ZNF8: variants seen among roughly 807,000 people sequenced by gnomAD.
ZNF8 encodes zinc finger protein 8.
ZNF8 carries 9 observed loss-of-function variants against 12.2 expected under a neutral mutation model. The ratio of observed to expected loss-of-function variants is 0.73; its 90% CI spans 0.44 to 1.28. The LOEUF (loss-of-function observed/expected upper bound fraction) is 1.28, where lower values mean the gene tolerates loss of function less well. ZNF8 is among the 50% of genes most tolerant of loss of function. The pLI, the probability that ZNF8 is intolerant of heterozygous loss-of-function variation, is 0.00. For synonymous variants in ZNF8, 274 were observed against 282.3 expected (o/e 0.97, Z 0.30); for missense variants, 664 against 729.1 (o/e 0.91, Z 1.03).
At chr19:58,283,967 A>T (rs996359625) in intron 1 of ZNF8, among the ~76,000 whole-genome samples, 12 of 152,320 alleles carry the variant, frequency 7.9e-5, no homozygotes, top group Non-Finnish European at 1.2e-4. Context: ...TTCTTTATAA[A>T]TTACTTCGTC....
At position 58,285,772 on chromosome 19, in the gene ZNF8, A is replaced by G. The variant is rs769920925; in HGVS notation, c.122A>G (p.Gln41Arg). The G allele has an allele frequency of 6.2e-7, 1 of 1,614,206 alleles. No homozygotes were observed. Among genetic ancestry groups the G allele is most frequent in the Non-Finnish European group, 8.5e-7 (1 of 1,180,030 alleles). The change falls in exon 2 of 4, where the codon CAG (glutamine) becomes CGG (arginine). Residue 41 changes from glutamine to arginine, a missense_variant. Physicochemically the swap from Gln to Arg is conservative, Grantham distance 43. Around this residue, in one of 3 missense-constraint regions of ZNF8, gnomAD observed 306 missense variants for 308.7 expected, o/e 0.99. Transcript: ENST00000621650. ...AVDFTQEEWG[Q>R]LDPTQRILYR... ...GACTTTACCCAGGAGGAATGGGGGC[A>G]GCTGGACCCTACCCAGAGGATCCTC...
chr19:58,295,357 C>G lies in ZNF8; in HGVS notation c.1549C>G (p.His517Asp). ...SRNSHLVQHQ[H>D]PNSRKSSAGG... ...GAACTCACACCTGGTTCAGCATCAA[C>G]ACCCGAACTCCAGAAAGAGCTCTGC... Residue 517 changes from histidine to aspartate, a missense_variant, in exon 4 of 4, where the codon CAC becomes GAC. Around this residue, in one of 3 missense-constraint regions of ZNF8, gnomAD observed 225 missense variants for 222.0 expected, o/e 1.01. Coordinates refer to ENST00000621650, the MANE Select transcript of ZNF8 (RefSeq NM_021089.3). 6.2e-7 allele frequency: 1 copy of G among 1,614,204 alleles called. No individual in the cohort carries two copies. Among genetic ancestry groups the G allele is most frequent in the Non-Finnish European group, 8.5e-7 (1 of 1,180,016 alleles).
Position 58,294,789 on chromosome 19 carries a change from C to T in ZNF8, c.981C>T (p.His327=). ...ECGKSFCHST[H]LTVHRRIHTG... ...GGAAGTCTTTCTGCCATAGTACACA[C>T]CTTACCGTCCATCGGAGGATTCACA... Residue 327 remains histidine, a synonymous_variant, in exon 4 of 4, where the codon CAC becomes CAT. Transcript: ENST00000621650. This position sits in a 1 kb window ranked among gnomAD's most constrained non-coding sequence, Gnocchi z 5.5. 1.2e-6 allele frequency: 2 copies of T among 1,614,190 alleles called. No homozygotes were observed. The highest frequency in any genetic ancestry group is 1.7e-6 in the Non-Finnish European group (2 of 1,180,038).
intron 3 of ZNF8, among the ~76,000 whole-genome samples, chr19:58,287,393 T>A (rs1600455236): frequency 6.9e-6 from 1 of 145,166 alleles, no homozygotes; most frequent in Admixed American, 7.3e-5. Context: ...GTGGCAGCAG[T>A]GTGATCATGG....
chr19:58,290,884 C>A (rs1054500647), intron 3 of ZNF8, among the ~76,000 whole-genome samples: 8 of 152,178 alleles, frequency 5.3e-5, no homozygotes, highest in African/African-American at 1.9e-4. Context: ...AACCACATCT[C>A]TACAAAAAAT....
rs1397987600 is a variant in ZNF8 at position 58,294,292 on chromosome 19, G to A, written c.484G>A (p.Gly162Ser). 6.2e-7 allele frequency: 1 copy of A among 1,614,052 alleles called. No individual in the cohort carries two copies. The highest frequency in any genetic ancestry group is 1.3e-5 in the African/African-American group (1 of 74,984). ...EQNNLKQLEFGLKEAPVQDQG... is the reference protein window; with the variant it reads ...EQNNLKQLEFSLKEAPVQDQG... ...GAATAACTTGAAGCAGTTGGAATTT[G>A]GCCTCAAGGAAGCACCAGTTCAAGA... Residue 162 changes from glycine (G) to serine (S), a missense_variant, in exon 4 of 4, where the codon GGC becomes AGC. Transcript: ENST00000621650. The surrounding 1 kb of genome is among the most constrained non-coding windows in gnomAD (Gnocchi z 5.5).
rs1600465825 is a variant in ZNF8 at position 58,301,002 on chromosome 19, T to G, written c.*5466T>G. On this transcript the variant is annotated 3_prime_UTR_variant, in exon 4 of 4. Transcript: ENST00000621650. The stretch of plus-strand genomic sequence containing the variant: ...TGCTGGGGTCCTAGAGTCCACCTTG[T>G]GCTCCACGCCCTCCCCAGGTGTCAT... The G allele has an allele frequency of 6.6e-6, 1 of 152,546 alleles. No homozygotes were observed. Among genetic ancestry groups the G allele is most frequent in the South Asian group, 2.1e-4 (1 of 4,832 alleles). The allele number at this position is 152,546 out of a possible 1,614,324, so 9.4% of individuals were successfully genotyped here. A position where few individuals can be genotyped will look rare whatever the true frequency, so the allele number is the denominator to read the frequency against.
At chr19:58,279,341 C>A in intron 1 of ZNF8, 194 bp downstream of exon 1, 1 of 1,474,100 alleles carries the variant, frequency 6.8e-7, no homozygotes, top group Non-Finnish European at 9.0e-7. Flanking sequence ...TCCAACCAGG[C>A]GCCTGGCCCC....
At position 58,295,251 on chromosome 19, in the gene ZNF8, C is replaced by T. The variant is rs2147961539; in HGVS notation, c.1443C>T (p.His481=). 5.0e-6 allele frequency: 8 copies of T among 1,614,220 alleles called. No homozygotes were observed. The South Asian group carries it at 5.5e-5, about 11-fold the overall frequency. ...GGAAGTGTTTCATTCAGAGCTCTCA[C>T]CTCATCCGGCACCAGATAACTCACA... is the stretch of plus-strand genomic sequence containing the variant. ...QCGKCFIQSS[H]LIRHQITHTR... The change falls in exon 4 of 4, where the codon CAC becomes CAT. Residue 481 remains histidine, a synonymous_variant. Coordinates refer to ENST00000621650, the MANE Select transcript of ZNF8 (RefSeq NM_021089.3).
Position 58,297,399 on chromosome 19 carries a change from G to A in ZNF8, c.*1863G>A, listed in dbSNP as rs1022905633. ...GTTTTGCAGCATTCATAATTGATGTGAAATAAGGAAGATAATCCTTTTTTT... is the reference window on the plus strand; with the variant it reads ...GTTTTGCAGCATTCATAATTGATGTAAAATAAGGAAGATAATCCTTTTTTT... On this transcript the variant is annotated 3_prime_UTR_variant, in exon 4 of 4. Coordinates refer to ENST00000621650, the MANE Select transcript of ZNF8 (RefSeq NM_021089.3). The A allele has an allele frequency of 1.8e-4, 27 of 146,250 alleles. No individual in the cohort carries two copies. The highest frequency in any genetic ancestry group is 6.8e-4 in the African/African-American group (27 of 39,868). The allele number at this position is 146,250 out of a possible 1,614,324, so 9.1% of individuals were successfully genotyped here. A position where few individuals can be genotyped will look rare whatever the true frequency, so the allele number is the denominator to read the frequency against.
Position 58,295,259 on chromosome 19 carries a change from G to A in ZNF8, c.1451G>A (p.Arg484Gln), listed in dbSNP as rs1485112198. ...TTCATTCAGAGCTCTCACCTCATCC[G>A]GCACCAGATAACTCACACCAGAGAG... ...KCFIQSSHLIRHQITHTREEQ... is the reference protein window; with the variant it reads ...KCFIQSSHLIQHQITHTREEQ... The change falls in exon 4 of 4, where the codon CGG becomes CAG. Residue 484 changes from arginine to glutamine, a missense_variant. By Grantham distance (43) the Arg-to-Gln change is conservative. This residue lies in a region of ZNF8 where 225 missense variants were observed against 222.0 expected (regional missense o/e 1.01). Coordinates refer to ENST00000621650, the MANE Select transcript of ZNF8 (RefSeq NM_021089.3). The A allele has an allele frequency of 7.4e-6, 12 of 1,614,190 alleles. No homozygotes were observed. Among genetic ancestry groups the A allele is most frequent in the East Asian group, 4.5e-5 (2 of 44,882 alleles).
At chr19:58,288,502 C>T (rs2051398263) in intron 3 of ZNF8, among the ~76,000 whole-genome samples, 1 of 152,134 alleles carries the variant, frequency 6.6e-6, no homozygotes, top group African/African-American at 2.4e-5. Flanking sequence ...CTAGATGTCA[C>T]CTGCTGGGGT....
chr19:58,301,292 C>T lies in ZNF8; in HGVS notation c.*5756C>T, dbSNP rs1416050582. 1.3e-5 allele frequency: 2 copies of T among 152,238 alleles called. No individual in the cohort carries two copies. Among genetic ancestry groups the T allele is most frequent in the Non-Finnish European group, 2.9e-5 (2 of 68,054 alleles). The allele number at this position is 152,238 out of a possible 1,614,324, so 9.4% of individuals were successfully genotyped here. ...AGTCTTCTTGACCTCTCCCCTTCCC[C>T]ACTCCATGGAGTTAGAGGTCCTGTT... is the stretch of plus-strand genomic sequence containing the variant. On this transcript the variant is annotated 3_prime_UTR_variant, in exon 4 of 4. Coordinates refer to ENST00000621650, the MANE Select transcript of ZNF8 (RefSeq NM_021089.3).
At chr19:58,290,108 CTTT>C (rs773199651) in intron 3 of ZNF8, among the ~76,000 whole-genome samples, 2 of 73,430 alleles carry the variant, frequency 2.7e-5, no homozygotes, top group Non-Finnish European at 4.7e-5. Context: ...TTTCAAGATT[CTTT>C]TTTTTTTTTT....
At position 58,298,281 on chromosome 19, in the gene ZNF8, G is replaced by A. The variant is rs8107546; in HGVS notation, c.*2745G>A. 82,944 of 151,412 alleles carry A rather than the reference G, an allele frequency of 0.55. 23,067 individuals carry two copies. Among genetic ancestry groups the A allele is most frequent in the South Asian group, 0.65 (3,109 of 4,798 alleles). The allele number at this position is 151,412 out of a possible 1,614,324, so 9.4% of individuals were successfully genotyped here. A position where few individuals can be genotyped will look rare whatever the true frequency, so the allele number is the denominator to read the frequency against. The stretch of plus-strand genomic sequence containing the variant: ...TCTGACCTCATAATCCGCCCACCTC[G>A]GCCTCCCAAAGTGCTGGGATTACAG... On this transcript the variant is annotated 3_prime_UTR_variant, in exon 4 of 4. Transcript: ENST00000621650.
intron 3 of ZNF8, among the ~76,000 whole-genome samples, chr19:58,292,824 G>A (rs1263597947): frequency 6.6e-6 from 1 of 152,150 alleles, no homozygotes; most frequent in East Asian, 1.9e-4. Context: ...ATTTGTTGAG[G>A]GGCATTTGGG....
At chr19:58,279,786 G>A (rs1363112936) in intron 1 of ZNF8, 1 of 1,464,432 alleles carries the variant, frequency 6.8e-7, no homozygotes, top group Admixed American at 2.1e-5. Context: ...TCTAGACAAA[G>A]TGGTTGCGGC....
At position 58,294,486 on chromosome 19, in the gene ZNF8, A is replaced by T; in HGVS notation, c.678A>T (p.Lys226Asn). The change falls in exon 4 of 4, where the codon AAA (lysine) becomes AAT (asparagine). Residue 226 changes from lysine (K) to asparagine (N), a missense_variant. Coordinates refer to ENST00000621650, the MANE Select transcript of ZNF8 (RefSeq NM_021089.3). This position sits in a 1 kb window ranked among gnomAD's most constrained non-coding sequence, Gnocchi z 5.5. ...LVSQQTGSPG[K>N]QPGENSDCHR... ...GTCAGCAGACAGGCTCCCCAGGAAA[A>T]CAGCCCGGTGAAAACAGTGACTGTC... The T allele has an allele frequency of 6.2e-7, 1 of 1,614,194 alleles. No homozygotes were observed. Among genetic ancestry groups the T allele is most frequent in the Non-Finnish European group, 8.5e-7 (1 of 1,180,038 alleles).
intron 1 of ZNF8, 113 bp from the exon 2 acceptor site, chr19:58,285,604 C>T (rs1568524007): frequency 8.9e-6 from 13 of 1,457,532 alleles, no homozygotes; most frequent in South Asian, 5.9e-5. Flanking sequence ...TCATTCATAA[C>T]GTGCAGTCTC....
Sources: allele counts gnomAD v4.1 joint callset (sites outside exome capture counted in the v4.1 genomes callset), GRCh38; gene constraint gnomAD v4.1.1; regional missense constraint gnomAD v4.1.1; non-coding constraint Gnocchi (gnomAD v3.1); transcripts MANE v1.5; gene names NCBI Gene and HGNC (gene_info 2026-07-23, HGNC 2026-07-21).